Variants in TLE1 observed in about 807,000 individuals in gnomAD.
TLE1 encodes the protein TLE family member 1, transcriptional corepressor, also known as transducin-like enhancer protein 1.
A neutral mutation model predicts 89.8 loss-of-function variants in TLE1; 21 were observed. The observed-to-expected ratio is 0.23, with a 90% CI of 0.17 to 0.34. The LOEUF (loss-of-function observed/expected upper bound fraction) is 0.34. Ranked by LOEUF, TLE1 falls within the 10% of genes least tolerant of loss-of-function variation. The pLI is 1.00. For missense variants in TLE1, 795 were observed against 1,031.2 expected (o/e 0.77, Z 3.14); for synonymous variants, 447 against 407.6 (o/e 1.10, Z -1.16).
chr9:81,639,759 T>C (rs1333326843), intron 6 of TLE1, among the ~76,000 whole-genome samples: 1 of 150,502 alleles, frequency 6.6e-6, no homozygotes, highest in African/African-American at 2.5e-5. Flanking sequence ...AATTTTTGTA[T>C]TTTTAGTAGA....
chr9:81,654,269 T>C (rs1564031415), intron 4 of TLE1, among the ~76,000 whole-genome samples: 2 of 152,144 alleles, frequency 1.3e-5, no homozygotes, highest in Non-Finnish European at 2.9e-5. Flanking sequence ...ATGAGTAGTT[T>C]GATTGAGTTG....
chr9:81,680,246 T>C (rs2133096639), intron 4 of TLE1, among the ~76,000 whole-genome samples: 1 of 152,238 alleles, frequency 6.6e-6, no homozygotes, highest in South Asian at 2.1e-4. Flanking sequence ...ATTAAATGAC[T>C]TCAATGAACT....
chr9:81,636,460 G>T (rs1313668227), intron 6 of TLE1, among the ~76,000 whole-genome samples: 1 of 116,920 alleles, frequency 8.6e-6, no homozygotes, highest in Non-Finnish European at 1.7e-5. Flanking sequence ...GGGGGGTGGG[G>T]GGAATGCAAT....
chr9:81,687,284 G>C, intron 2 of TLE1, 50 bp downstream of exon 2: 1 of 1,520,414 alleles, frequency 6.6e-7, no homozygotes, highest in Non-Finnish European at 9.0e-7. Context: ...CTGGGTGCAA[G>C]GGGCACCGGG....
intron 4 of TLE1, among the ~76,000 whole-genome samples, chr9:81,680,744 A>C (rs1418295746): frequency 6.6e-6 from 1 of 151,994 alleles, no homozygotes; most frequent in Non-Finnish European, 1.5e-5. Context: ...AGGCCTGGCT[A>C]ATGAAGTTGA....
intron 14 of TLE1, among the ~76,000 whole-genome samples, chr9:81,603,916 C>T (rs549121967): frequency 2.0e-5 from 3 of 152,064 alleles, no homozygotes; most frequent in Non-Finnish European, 2.9e-5. Context: ...GCAGGAGAAT[C>T]GCTTGAACCC....
chr9:81,654,031 T>C lies in TLE1; in HGVS notation c.240A>G (p.Glu80=). 6.2e-7 allele frequency: 1 copy of C among 1,613,916 alleles called. No individual in the cohort carries two copies. The highest frequency in any genetic ancestry group is 8.5e-7 in the Non-Finnish European group (1 of 1,179,956). Residue 80 remains glutamate (E), a synonymous_variant, in exon 5 of 20, where the codon GAA becomes GAG. Coordinates refer to ENST00000376499, the MANE Select transcript of TLE1 (RefSeq NM_005077.5). ...AAATCGTATTCAATCTCTTGGCGAT[T>C]TCAGTCTATAAAGACAAAGCCACAC... is the stretch of plus-strand genomic sequence containing the variant. The part of the protein sequence containing the change: ...GLNIEMHKQT[E]IAKRLNTICA...
At chr9:81,600,133 T>A (rs756865197) in intron 14 of TLE1, 1 of 732,696 alleles carries the variant, frequency 1.4e-6, no homozygotes, top group Non-Finnish European at 2.5e-6. Flanking sequence ...AGGACAAAGA[T>A]ACAAATGGAG....
At chr9:81,629,456 T>C (rs1826304227) in intron 8 of TLE1, among the ~76,000 whole-genome samples, 1 of 152,226 alleles carries the variant, frequency 6.6e-6, no homozygotes, top group Admixed American at 6.5e-5. Context: ...AAAATAATTT[T>C]TTAAACCAAA....
chr9:81,624,719 A>G (rs1232500736), intron 8 of TLE1, among the ~76,000 whole-genome samples: 1 of 152,156 alleles, frequency 6.6e-6, no homozygotes, highest in Non-Finnish European at 1.5e-5. Flanking sequence ...GCAGACTTCT[A>G]TTACAAGTGT....
At chr9:81,627,781 T>C (rs1588029340) in intron 8 of TLE1, among the ~76,000 whole-genome samples, 1 of 152,296 alleles carries the variant, frequency 6.6e-6, no homozygotes, top group Middle Eastern at 3.4e-3. Flanking sequence ...TTGAGAAATT[T>C]GATTATCAGG....
chr9:81,652,272 G>A lies in TLE1; in HGVS notation c.314C>T (p.Ala105Val). The A allele has an allele frequency of 6.2e-7, 1 of 1,613,814 alleles. No homozygotes were observed. The highest frequency in any genetic ancestry group is 8.5e-7 in the Non-Finnish European group (1 of 1,179,832). The change falls in exon 6 of 20, where the codon GCC (alanine) becomes GTC (valine). Residue 105 changes from alanine to valine, a missense_variant. Ala to Val is a moderately conservative substitution (Grantham distance 64). Around this residue, in one of 4 missense-constraint regions of TLE1, gnomAD observed 66 missense variants for 118.7 expected, o/e 0.56. Transcript: ENST00000376499. ...CTGTTTGGCACGTTCAACAGCCTGGGCCACCTGTTGTTGATGCTTTGAAAA... is the reference window on the plus strand; with the variant it reads ...CTGTTTGGCACGTTCAACAGCCTGGACCACCTGTTGTTGATGCTTTGAAAA... ...FLSQEHQQQV[A>V]QAVERAKQVT...
At position 81,610,075 on chromosome 9, in the gene TLE1, G is replaced by C. The variant is rs150116226; in HGVS notation, c.1331+145C>G. The C allele has an allele frequency of 6.1e-5, 41 of 667,882 alleles. No individual in the cohort carries two copies. The East Asian group carries it at 1.1e-3, about 17-fold the overall frequency. 41.4% of individuals were successfully genotyped at this position (667,882 alleles called of 1,614,324 possible). A position where few individuals can be genotyped will look rare whatever the true frequency, so the allele number is the denominator to read the frequency against. ...GACACCTACAAGCTGCCTATTTATAGAAAGTGTTAACACTCCTCAGGAAAA... is the reference window on the plus strand; with the variant it reads ...GACACCTACAAGCTGCCTATTTATACAAAGTGTTAACACTCCTCAGGAAAA... On this transcript the variant is annotated intron_variant, in intron 14 of 19. Transcript: ENST00000376499.
chr9:81,660,686 G>C (rs1830655574), intron 4 of TLE1, among the ~76,000 whole-genome samples: 1 of 151,566 alleles, frequency 6.6e-6, no homozygotes, highest in Admixed American at 6.6e-5. Context: ...AAAGTGCTGG[G>C]ATTACAGGCA....
intron 11 of TLE1, 31 bp downstream of exon 11, chr9:81,615,951 A>G (rs1325673055): frequency 6.2e-7 from 1 of 1,611,904 alleles, no homozygotes; most frequent in Non-Finnish European, 8.5e-7. Flanking sequence ...ATACACTGCC[A>G]AACAGGCAAG....
At chr9:81,591,879 C>T (rs1279632671) in intron 15 of TLE1, among the ~76,000 whole-genome samples, 1 of 152,196 alleles carries the variant, frequency 6.6e-6, no homozygotes, top group Non-Finnish European at 1.5e-5. Flanking sequence ...AACACCGCCA[C>T]TCTGCTTTTT....
intron 4 of TLE1, among the ~76,000 whole-genome samples, chr9:81,656,963 C>T (rs1308371174): frequency 3.3e-5 from 5 of 152,162 alleles, no homozygotes; most frequent in African/African-American, 4.8e-5. Context: ...CCAATTATTG[C>T]GAGTTTAGGA....
intron 6 of TLE1, among the ~76,000 whole-genome samples, chr9:81,646,792 A>G (rs184592084): frequency 7.2e-5 from 11 of 152,316 alleles, no homozygotes; most frequent in Non-Finnish European, 1.0e-4. Context: ...CCCTACACAA[A>G]AACATCTAGT....
chr9:81,616,125 A>G lies in TLE1; in HGVS notation c.775T>C (p.Ser259Pro), dbSNP rs753486700. 9 of 1,610,412 alleles carry G rather than the reference A, an allele frequency of 5.6e-6. No individual in the cohort carries two copies. Among genetic ancestry groups the G allele is most frequent in the Non-Finnish European group, 1.7e-6 (2 of 1,179,196 alleles). Residue 259 changes from serine to proline, a missense_variant, in exon 11 of 20, where the codon TCT (serine) becomes CCT (proline). Physicochemically the swap from Ser to Pro is moderately conservative, Grantham distance 74 (BLOSUM62 -1). Transcript: ENST00000376499. The part of the protein sequence containing the change: ...VVDVSNEDPS[S>P]PRASPAHSPR... ...GAGTGGGCAGGGCTTGCTCGCGGAG[A>G]AGAAGGGTCCTCAACAAGCATAATC...
Sources: allele counts gnomAD v4.1 joint callset (sites outside exome capture counted in the v4.1 genomes callset), GRCh38; gene constraint gnomAD v4.1.1; regional missense constraint gnomAD v4.1.1; transcripts MANE v1.5; gene names NCBI Gene and HGNC (gene_info 2026-07-23, HGNC 2026-07-21).